Variants in PTPRD observed in about 807,000 individuals in gnomAD.
PTPRD encodes protein tyrosine phosphatase receptor type D.
Under a neutral mutation model 214.5 loss-of-function variants are expected in PTPRD, and 34 were observed. That is an observed-to-expected ratio of 0.16 (90% CI 0.12 to 0.21). PTPRD has a LOEUF of 0.21. Ranked by LOEUF, PTPRD falls within the 10% of genes least tolerant of loss-of-function variation. The probability of loss-of-function intolerance (pLI) is 1.00; values close to 1 mark genes in which losing one functional copy is unlikely to be tolerated. For synonymous variants in PTPRD, 1,128 were observed against 845.7 expected, an observed-to-expected ratio of 1.33 and a Z score of -5.79; for missense variants, 2,545 against 2,398.7, an observed-to-expected ratio of 1.06 and a Z score of -1.27.
chr9:9,500,405 C>T lies in PTPRD; in HGVS notation c.-237+74327G>A, dbSNP rs147647255. On this transcript the variant is annotated intron_variant, in intron 8 of 45. Coordinates refer to ENST00000381196, the MANE Select transcript of PTPRD (RefSeq NM_002839.4). Reference sequence around the variant, plus strand: ...TACATTTCCTTGGATTTCTTCCCAGCAGAATTTTCCTGATAGCAGTACAGG... The same window carrying T: ...TACATTTCCTTGGATTTCTTCCCAGTAGAATTTTCCTGATAGCAGTACAGG... Among the ~76,000 whole-genome samples the T allele has an allele frequency of 3.8e-4, 58 of 152,124 alleles. No homozygotes were observed. The East Asian group carries it at 9.5e-3, about 25-fold the overall frequency.
chr9:10,081,154 T>C (rs2098230205), intron 3 of PTPRD, among the ~76,000 whole-genome samples: 1 of 152,088 alleles, frequency 6.6e-6, no homozygotes, highest in Non-Finnish European at 1.5e-5. Context: ...GATAATTCTT[T>C]GAAATAAATA....
intron 5 of PTPRD, among the ~76,000 whole-genome samples, chr9:9,907,498 C>T (rs2077933439): frequency 6.6e-6 from 1 of 151,958 alleles, no homozygotes; most frequent in African/African-American, 2.4e-5. Context: ...CCTCACATGA[C>T]ATTTACTCAA....
chr9:9,939,100 T>C (rs1026588228), intron 4 of PTPRD, among the ~76,000 whole-genome samples: 2 of 152,172 alleles, frequency 1.3e-5, no homozygotes, highest in Admixed American at 6.6e-5. Context: ...CTATGCTCTT[T>C]TGTATTTCTC....
intron 10 of PTPRD, among the ~76,000 whole-genome samples, chr9:9,033,332 A>G: frequency 6.6e-6 from 1 of 152,116 alleles, no homozygotes; most frequent in East Asian, 1.9e-4. Flanking sequence ...CAGGCCTAAG[A>G]ATTAGCTGAC....
chr9:9,587,890 T>C (rs1457623094), intron 7 of PTPRD, among the ~76,000 whole-genome samples: 2 of 151,980 alleles, frequency 1.3e-5, no homozygotes, highest in South Asian at 2.1e-4. Flanking sequence ...GGTTGATTAA[T>C]AGGTATAAAC....
intron 39 of PTPRD, among the ~76,000 whole-genome samples, chr9:8,349,316 C>T (rs2074769521): frequency 1.3e-5 from 2 of 152,042 alleles, no homozygotes; most frequent in South Asian, 4.1e-4. Context: ...GTATCCCAGC[C>T]TACTTTTGTT....
chr9:9,474,119 T>C (rs2094839498), intron 8 of PTPRD, among the ~76,000 whole-genome samples: 1 of 152,102 alleles, frequency 6.6e-6, no homozygotes, highest in Non-Finnish European at 1.5e-5. Context: ...TTATGCATTT[T>C]CAGTTGATTT....
At chr9:9,791,067 C>G (rs1056093790) in intron 5 of PTPRD, among the ~76,000 whole-genome samples, 3 of 152,034 alleles carry the variant, frequency 2.0e-5, no homozygotes. Flanking sequence ...AAGGATTTTC[C>G]TTAAAATTTC....
intron 7 of PTPRD, among the ~76,000 whole-genome samples, chr9:9,643,617 T>C (rs2096046947): frequency 6.6e-6 from 1 of 152,176 alleles, no homozygotes; most frequent in African/African-American, 2.4e-5. Context: ...TTTAAACATA[T>C]TATAGAAAAT....
intron 30 of PTPRD, among the ~76,000 whole-genome samples, chr9:8,476,610 C>T (rs904764403): frequency 6.6e-6 from 1 of 151,970 alleles, no homozygotes; most frequent in Admixed American, 6.6e-5. Context: ...AACCTATTAC[C>T]CCCATTATAT....
At chr9:8,491,561 A>C (rs1043576488) in intron 27 of PTPRD, among the ~76,000 whole-genome samples, 2 of 151,626 alleles carry the variant, frequency 1.3e-5, no homozygotes, top group African/African-American at 4.9e-5. Flanking sequence ...TCTAACAGAG[A>C]CTGGATCCAC....
At chr9:10,073,806 C>A (rs2098081357) in intron 3 of PTPRD, among the ~76,000 whole-genome samples, 1 of 152,118 alleles carries the variant, frequency 6.6e-6, no homozygotes, top group Non-Finnish European at 1.5e-5. Context: ...CATTTATCCT[C>A]TACTCCCTGT....
chr9:10,311,823 C>T (rs145944464), intron 3 of PTPRD, among the ~76,000 whole-genome samples: 46 of 152,100 alleles, frequency 3.0e-4, no homozygotes, highest in African/African-American at 1.0e-3. Context: ...GTTAACCACA[C>T]GCGGTAATTC....
At chr9:9,091,911 C>CA (rs1336254509) in intron 10 of PTPRD, among the ~76,000 whole-genome samples, 3 of 152,138 alleles carry the variant, frequency 2.0e-5, no homozygotes, top group Non-Finnish European at 4.4e-5. Context: ...ACCTAATTAA[C>CA]AAAAAATTCT....
intron 2 of PTPRD, chr9:10,532,069 A>C (rs1307562267): frequency 6.6e-6 from 1 of 152,174 alleles, no homozygotes; most frequent in Admixed American, 6.6e-5. Flanking sequence ...TTTGTAAAAC[A>C]AGCATTAATT....
At chr9:8,394,385 G>A (rs1382769164) in intron 36 of PTPRD, among the ~76,000 whole-genome samples, 2 of 152,116 alleles carry the variant, frequency 1.3e-5, no homozygotes, top group Non-Finnish European at 2.9e-5. Flanking sequence ...GTAATCCTAA[G>A]GGGAAGGATC....
chr9:10,068,979 C>T lies in PTPRD; in HGVS notation c.-544-35189G>A, dbSNP rs150838606. On this transcript the variant is annotated intron_variant, in intron 3 of 45. Transcript: ENST00000381196. Reference sequence around the variant, plus strand: ...TTCAGTTTATTCCCACCATATTAAACAGTTTGTTTATCATTATAATCTTTG... The same window carrying T: ...TTCAGTTTATTCCCACCATATTAAATAGTTTGTTTATCATTATAATCTTTG... Among the ~76,000 whole-genome samples, 679 of 152,138 alleles carry T rather than the reference C, an allele frequency of 4.5e-3. 6 individuals are homozygous for T. Among genetic ancestry groups the T allele is most frequent in the Non-Finnish European group, 6.1e-3 (413 of 67,972 alleles).
At chr9:10,458,484 A>C (rs1042577904) in intron 2 of PTPRD, among the ~76,000 whole-genome samples, 5 of 152,196 alleles carry the variant, frequency 3.3e-5, no homozygotes, top group Admixed American at 3.3e-4. Flanking sequence ...ATTAGACAAA[A>C]TTCAACGTTC....
chr9:9,928,087 T>A (rs1288617105), intron 5 of PTPRD, among the ~76,000 whole-genome samples: 2 of 152,166 alleles, frequency 1.3e-5, no homozygotes, highest in Non-Finnish European at 2.9e-5. Flanking sequence ...TATTACACTT[T>A]GAAAAGTATT....
Sources: allele counts gnomAD v4.1 joint callset (sites outside exome capture counted in the v4.1 genomes callset), GRCh38; gene constraint gnomAD v4.1.1; transcripts MANE v1.5; gene names NCBI Gene and HGNC (gene_info 2026-07-23, HGNC 2026-07-21).